PRSS21: variants seen among roughly 807,000 people sequenced by gnomAD.
PRSS21 encodes the protein serine protease 21, also known as testisin.
In PRSS21, 40 loss-of-function variants were observed where a neutral mutation model predicts 31.1. The ratio of observed to expected loss-of-function variants is 1.29; its 90% CI spans 1.00 to 1.68. The LOEUF (loss-of-function observed/expected upper bound fraction) is 1.68. PRSS21 is among the 40% of genes most tolerant of loss of function. The pLI, the probability that PRSS21 is intolerant of heterozygous loss-of-function variation, is 0.00. For synonymous variants in PRSS21, 186 were observed against 167.7 expected (o/e 1.11, Z -0.84); for missense variants, 467 against 412.6 (o/e 1.13, Z -1.14).
chr16:2,817,911 G>T lies in PRSS21; in HGVS notation c.202G>T (p.Gly68Ter). The stretch of plus-strand genomic sequence containing the variant: ...GCGCCTGTGGGATTCCCACGTATGC[G>T]GAGTGAGCCTGCTCAGCCACCGCTG... ...SLRLWDSHVC[G>*]VSLLSHRWAL... Residue 68 changes from glycine (G) to a stop codon, truncating the protein, a stop_gained, in exon 3 of 6, where the codon GGA (glycine) becomes TGA (stop). Coordinates refer to ENST00000005995, the MANE Select transcript of PRSS21 (RefSeq NM_006799.4). LOFTEE classifies it high-confidence loss of function. The surrounding 1 kb of genome is among the most constrained non-coding windows in gnomAD (Gnocchi z 4.2). 6.5e-7 allele frequency: 1 copy of T among 1,549,560 alleles called. No individual in the cohort carries two copies. The highest frequency in any genetic ancestry group is 8.7e-7 in the Non-Finnish European group (1 of 1,146,886).
In PRSS21 at chr16:2,817,400, C is replaced by T. The variant is rs1382261087; in HGVS notation, c.65-30C>T. 6.3e-7 allele frequency: 1 copy of T among 1,594,340 alleles called. No individual in the cohort carries two copies. The highest frequency in any genetic ancestry group is 8.5e-7 in the Non-Finnish European group (1 of 1,174,796). On this transcript the variant is annotated intron_variant, in intron 1 of 5. Coordinates refer to ENST00000005995, the MANE Select transcript of PRSS21 (RefSeq NM_006799.4). The surrounding 1 kb of genome is among the most constrained non-coding windows in gnomAD (Gnocchi z 4.2). ...CGGTGGGGAGGACGGGAGGTGGAGG[C>T]CGCGGGGAGTCACTTCTTGTCTCCC... is the stretch of plus-strand genomic sequence containing the variant.
intron 4 of PRSS21, among the ~76,000 whole-genome samples, chr16:2,820,562 T>C (rs949938230): frequency 6.6e-6 from 1 of 152,100 alleles, no homozygotes; most frequent in African/African-American, 2.4e-5. Context: ...AGCGCCCAGC[T>C]GCTACTGAGG....
chr16:2,820,900 T>G, intron 4 of PRSS21, 55 bp from the exon 5 acceptor site: 2 of 1,581,550 alleles, frequency 1.3e-6, no homozygotes, highest in South Asian at 2.3e-5. Context: ...ATGCCATCCC[T>G]CCATAGAGGG....
chr16:2,819,578 C>G (rs759221005), intron 4 of PRSS21, among the ~76,000 whole-genome samples: 4 of 152,220 alleles, frequency 2.6e-5, no homozygotes, highest in Non-Finnish European at 5.9e-5. Flanking sequence ...GGAATCCCTT[C>G]CCTCTGCTCC....
Position 2,818,713 on chromosome 16 carries a change from C to G in PRSS21, c.294C>G (p.Val98=). 1 of 1,614,170 alleles carries G rather than the reference C, an allele frequency of 6.2e-7. No homozygotes were observed. Among genetic ancestry groups the G allele is most frequent in the Non-Finnish European group, 8.5e-7 (1 of 1,180,008 alleles). The change falls in exon 4 of 6, where the codon GTC becomes GTG. Residue 98 remains valine, a synonymous_variant. Transcript: ENST00000005995. The part of the protein sequence containing the change: ...SDLSDPSGWM[V]QFGQLTSMPS... ...TTAGTGATCCCTCCGGGTGGATGGTCCAGTTTGGCCAGCTGACTTCCATGC... is the reference window on the plus strand; with the variant it reads ...TTAGTGATCCCTCCGGGTGGATGGTGCAGTTTGGCCAGCTGACTTCCATGC...
intron 3 of PRSS21, among the ~76,000 whole-genome samples, chr16:2,818,418 G>A (rs1377590360): frequency 6.6e-6 from 1 of 152,190 alleles, no homozygotes; most frequent in African/African-American, 2.4e-5. Flanking sequence ...CTGCATGGGG[G>A]TGCCCCTGGA....
At chr16:2,820,562 T>G (rs949938230) in intron 4 of PRSS21, among the ~76,000 whole-genome samples, 2 of 152,100 alleles carry the variant, frequency 1.3e-5, no homozygotes, top group African/African-American at 4.8e-5. Context: ...AGCGCCCAGC[T>G]GCTACTGAGG....
Position 2,817,779 on chromosome 16 carries a change from G to C in PRSS21, c.92-22G>C, listed in dbSNP as rs1021503999. On this transcript the variant is annotated intron_variant, in intron 2 of 5. Transcript: ENST00000005995. This position sits in a 1 kb window ranked among gnomAD's most constrained non-coding sequence, Gnocchi z 4.2. The stretch of plus-strand genomic sequence containing the variant: ...TTGGGGGGCTGCCTCCCGCGGCTCA[G>C]CAGTTCCTCTGACCATCCGAGGACC... The C allele has an allele frequency of 6.5e-7, 1 of 1,544,276 alleles. No homozygotes were observed. The highest frequency in any genetic ancestry group is 1.4e-5 in the African/African-American group (1 of 72,952).
At position 2,817,395 on chromosome 16, in the gene PRSS21, G is replaced by T; in HGVS notation, c.65-35G>T. 6.3e-7 allele frequency: 1 copy of T among 1,593,482 alleles called. No individual in the cohort carries two copies. Among genetic ancestry groups the T allele is most frequent in the East Asian group, 2.2e-5 (1 of 44,488 alleles). ...GGGAGCGGTGGGGAGGACGGGAGGT[G>T]GAGGCCGCGGGGAGTCACTTCTTGT... On this transcript the variant is annotated intron_variant, in intron 1 of 5. Transcript: ENST00000005995. This position sits in a 1 kb window ranked among gnomAD's most constrained non-coding sequence, Gnocchi z 4.2.
At chr16:2,820,647 T>C (rs1007927183) in intron 4 of PRSS21, among the ~76,000 whole-genome samples, 5 of 152,198 alleles carry the variant, frequency 3.3e-5, no homozygotes, top group African/African-American at 1.2e-4. Context: ...TCAGCTGCCT[T>C]CGCCCCTCCC....
At chr16:2,821,209 C>T (rs953687164) in intron 5 of PRSS21, 100 bp downstream of exon 5, 4 of 1,550,896 alleles carry the variant, frequency 2.6e-6, no homozygotes, top group African/African-American at 1.4e-5. Flanking sequence ...GACTGTTGCC[C>T]CACTCTGCAG....
chr16:2,820,598 C>T (rs768079878), intron 4 of PRSS21, among the ~76,000 whole-genome samples: 1 of 152,208 alleles, frequency 6.6e-6, no homozygotes, highest in Non-Finnish European at 1.5e-5. Context: ...GGCTGCCCCT[C>T]CCCCAGGTCT....
chr16:2,818,799 G>A lies in PRSS21; in HGVS notation c.380G>A (p.Ser127Asn). 1 of 1,613,736 alleles carries A rather than the reference G, an allele frequency of 6.2e-7. No individual in the cohort carries two copies. ...TACTTCGTATCGAATATCTATCTGA[G>A]CCCTCGCTACCTGGGGAATTCACCC... ...TRYFVSNIYL[S>N]PRYLGNSPYD... The change falls in exon 4 of 6, where the codon AGC becomes AAC. Residue 127 changes from serine (S) to asparagine (N), a missense_variant. Coordinates refer to ENST00000005995, the MANE Select transcript of PRSS21 (RefSeq NM_006799.4).
rs565983858 is a variant in PRSS21 at position 2,820,992 on chromosome 16, C to T, written c.588C>T (p.Val196=). Residue 196 remains valine, a synonymous_variant, in exon 5 of 6, where the codon GTC becomes GTT. Coordinates refer to ENST00000005995, the MANE Select transcript of PRSS21 (RefSeq NM_006799.4). The part of the protein sequence containing the change: ...PSPHTLQEVQ[V]AIINNSMCNH... ...CCCACACCCTCCAGGAAGTTCAGGTCGCCATCATAAACAACTCTATGTGCA... is the reference window on the plus strand; with the variant it reads ...CCCACACCCTCCAGGAAGTTCAGGTTGCCATCATAAACAACTCTATGTGCA... 9.9e-6 allele frequency: 16 copies of T among 1,614,032 alleles called. No individual in the cohort carries two copies. The Middle Eastern group carries it at 4.9e-4, about 50-fold the overall frequency.
chr16:2,819,851 G>C (rs1051192849), intron 4 of PRSS21, among the ~76,000 whole-genome samples: 1 of 152,234 alleles, frequency 6.6e-6, no homozygotes, highest in African/African-American at 2.4e-5. Context: ...TTGCCTTAGA[G>C]AGGGTAAGGG....
At chr16:2,819,207 G>C (rs916219309) in intron 4 of PRSS21, among the ~76,000 whole-genome samples, 1 of 152,158 alleles carries the variant, frequency 6.6e-6, no homozygotes, top group Non-Finnish European at 1.5e-5. Context: ...TGGGTGGTGC[G>C]GTGGTGGAGG....
chr16:2,820,282 C>CCGCTGA (rs765220048), intron 4 of PRSS21, among the ~76,000 whole-genome samples: 18 of 152,228 alleles, frequency 1.2e-4, no homozygotes, highest in Non-Finnish European at 2.5e-4. Context: ...AGGAGAGGCC[C>CCGCTGA]CGCTGACGGG....
At chr16:2,820,225 G>A (rs1483166434) in intron 4 of PRSS21, among the ~76,000 whole-genome samples, 1 of 152,236 alleles carries the variant, frequency 6.6e-6, no homozygotes, top group African/African-American at 2.4e-5. Context: ...GGGGAATGAT[G>A]GTGCCACATC....
In PRSS21 at chr16:2,817,695, G is replaced by T. The variant is rs2069100047; in HGVS notation, c.92-106G>T. On this transcript the variant is annotated intron_variant, in intron 2 of 5. Coordinates refer to ENST00000005995, the MANE Select transcript of PRSS21 (RefSeq NM_006799.4). This position sits in a 1 kb window ranked among gnomAD's most constrained non-coding sequence, Gnocchi z 4.2. ...GCTGCACACACGCGAGGGGACCCTG[G>T]GTGGGCAAAAACGTGCTTTCCCGGA... is the stretch of plus-strand genomic sequence containing the variant. 1.2e-5 allele frequency: 17 copies of T among 1,433,068 alleles called. No individual in the cohort carries two copies. Among genetic ancestry groups the T allele is most frequent in the Non-Finnish European group, 1.6e-5 (17 of 1,069,094 alleles). The allele number at this position is 1,433,068 out of a possible 1,614,324, so 88.8% of individuals were successfully genotyped here.
Sources: gnomAD v4.1 joint callset for allele counts (sites outside exome capture counted in the v4.1 genomes callset) on GRCh38, gnomAD v4.1.1 for gene constraint, Gnocchi (gnomAD v3.1) non-coding constraint, MANE v1.5 for transcripts, NCBI Gene and HGNC (gene_info 2026-07-23, HGNC 2026-07-21) for gene names.